The following HEATR5A variants were observed in gnomAD, a reference collection of about 807,000 sequenced individuals.
The protein encoded by HEATR5A is HEAT repeat containing 5A, also known as HEAT repeat-containing protein 5A.
Under a neutral mutation model 218.8 loss-of-function variants are expected in HEATR5A, and 178 were observed. The observed-to-expected ratio is 0.81, with a 90% CI of 0.72 to 0.92. The LOEUF (loss-of-function observed/expected upper bound fraction) is 0.92. Ranked by LOEUF, HEATR5A falls within the 40% of genes least tolerant of loss-of-function variation. The probability of loss-of-function intolerance (pLI) is 0.00; values close to 1 mark genes in which losing one functional copy is unlikely to be tolerated. For missense variants in HEATR5A, 2,420 were observed against 2,418.9 expected, an observed-to-expected ratio of 1.00 and a Z score of -0.01; for synonymous variants, 864 against 871.6, an observed-to-expected ratio of 0.99 and a Z score of 0.15.
intron 22 of HEATR5A, among the ~76,000 whole-genome samples, chr14:31,331,135 T>C (rs906474743): frequency 6.6e-6 from 1 of 151,948 alleles, no homozygotes; most frequent in African/African-American, 2.4e-5. Context: ...GAGATGGGTT[T>C]TCATCATTTG....
chr14:31,388,970 C>G lies in HEATR5A; in HGVS notation c.808G>C (p.Glu270Gln). Reference protein sequence around the residue: ...SRQSIRRVSLEEVLELLGTGF... With the variant: ...SRQSIRRVSLQEVLELLGTGF... ...GTTCCTAGTAATTCCAGAACTTCCT[C>G]CAAAGATACTCTGCGAATGCTTTGA... Residue 270 changes from glutamate to glutamine, a missense_variant, in exon 7 of 36, where the codon GAG (glutamate) becomes CAG (glutamine). Physicochemically the swap from Glu to Gln is conservative, Grantham distance 29. Transcript: ENST00000543095. The G allele has an allele frequency of 1.2e-6, 2 of 1,613,550 alleles. No homozygotes were observed. Among genetic ancestry groups the G allele is most frequent in the Non-Finnish European group, 1.7e-6 (2 of 1,179,644 alleles).
chr14:31,416,142 G>C (rs2031437828), intron 1 of HEATR5A, among the ~76,000 whole-genome samples: 1 of 152,070 alleles, frequency 6.6e-6, no homozygotes, highest in Admixed American at 6.5e-5. Flanking sequence ...TTTTGAGATG[G>C]AGTCTCGCTC....
intron 25 of HEATR5A, among the ~76,000 whole-genome samples, chr14:31,318,615 C>T (rs902511090): frequency 2.7e-4 from 41 of 152,218 alleles, no homozygotes; most frequent in African/African-American, 9.1e-4. Context: ...CTCAGCCTCC[C>T]AAGTAGCTGG....
chr14:31,350,684 T>C lies in HEATR5A; in HGVS notation c.2445A>G (p.Ile815Met). ...GCTGACGAGCTCCTTTTGTGTGCTT[T>C]ATACTGTCCAAAAGCTGTTCCAATA... ...LLILEQLLDS[I>M]KHTKGARQQV... The change falls in exon 17 of 36, where the codon ATA (isoleucine) becomes ATG (methionine). Residue 815 changes from isoleucine to methionine, a missense_variant. Transcript: ENST00000543095. 6.3e-7 allele frequency: 1 copy of C among 1,598,664 alleles called. No homozygotes were observed. Among genetic ancestry groups the C allele is most frequent in the Non-Finnish European group, 8.5e-7 (1 of 1,169,976 alleles).
At chr14:31,360,812 G>A (rs559357049) in intron 14 of HEATR5A, among the ~76,000 whole-genome samples, 2 of 151,964 alleles carry the variant, frequency 1.3e-5, no homozygotes, top group Non-Finnish European at 2.9e-5. Flanking sequence ...AGTAACAGTA[G>A]TAACAACAAA....
Position 31,344,036 on chromosome 14 carries a change from T to C in HEATR5A, c.3088A>G (p.Thr1030Ala). 1 of 1,553,456 alleles carries C rather than the reference T, an allele frequency of 6.4e-7. No homozygotes were observed. Among genetic ancestry groups the C allele is most frequent in the Non-Finnish European group, 8.7e-7 (1 of 1,151,066 alleles). ...GNSTSISTLR[T>A]SCLLGCAVMQ... ...ACTGCACAACCCAGTAGACAGGAAG[T>C]CCTTAAGGTAGAAATTGAAGTACTG... The change falls in exon 21 of 36, where the codon ACT becomes GCT. Residue 1030 changes from threonine to alanine, a missense_variant. Physicochemically the swap from Thr to Ala is moderately conservative, Grantham distance 58. Coordinates refer to ENST00000543095, the MANE Select transcript of HEATR5A (RefSeq NM_015473.4).
intron 1 of HEATR5A, among the ~76,000 whole-genome samples, chr14:31,412,627 C>CA (rs2031315092): frequency 6.6e-6 from 1 of 152,004 alleles, no homozygotes; most frequent in South Asian, 2.1e-4. Context: ...CAGTGGCTCA[C>CA]GCCTGTTAAT....
chr14:31,367,636 C>T (rs949405980), intron 13 of HEATR5A, among the ~76,000 whole-genome samples: 9 of 114,446 alleles, frequency 7.9e-5, no homozygotes, highest in African/African-American at 3.1e-4. Flanking sequence ...CCAGGCTGGT[C>T]TTGAACTTCT....
chr14:31,319,194 C>G (rs2139161123), intron 25 of HEATR5A, among the ~76,000 whole-genome samples: 1 of 152,082 alleles, frequency 6.6e-6, no homozygotes, highest in Middle Eastern at 3.4e-3. Context: ...CTCTTGTCCC[C>G]CAGGCTGGAG....
At chr14:31,372,197 A>T (rs1342877124) in intron 12 of HEATR5A, among the ~76,000 whole-genome samples, 4 of 121,972 alleles carry the variant, frequency 3.3e-5, no homozygotes, top group Non-Finnish European at 6.5e-5. Flanking sequence ...GCTTAGAAGC[A>T]AAAAAAAAAA....
rs1313457035 is a variant in HEATR5A at position 31,380,588 on chromosome 14, T to C, written c.1597-10A>G. 4 of 1,532,636 alleles carry C rather than the reference T, an allele frequency of 2.6e-6. No individual in the cohort carries two copies. The highest frequency in any genetic ancestry group is 1.4e-5 in the African/African-American group (1 of 72,916). 94.9% of individuals were successfully genotyped at this position (1,532,636 alleles called of 1,614,324 possible). ...CTAATGTCATAATAATCTATTTACA[T>C]ATAGAACAAGTTTTAAAAAAAGCAT... is the stretch of plus-strand genomic sequence containing the variant. On this transcript the variant is annotated splice_polypyrimidine_tract_variant and intron_variant, in intron 10 of 35. Coordinates refer to ENST00000543095, the MANE Select transcript of HEATR5A (RefSeq NM_015473.4).
intron 18 of HEATR5A, among the ~76,000 whole-genome samples, chr14:31,349,506 T>C (rs577527265): frequency 1.4e-4 from 21 of 152,352 alleles, no homozygotes; most frequent in Admixed American, 1.2e-3. Flanking sequence ...ACTGTATAAA[T>C]ATTTCACTAT....
chr14:31,397,531 C>T (rs748259351), intron 4 of HEATR5A, among the ~76,000 whole-genome samples: 2 of 151,730 alleles, frequency 1.3e-5, no homozygotes, highest in African/African-American at 2.4e-5. Context: ...TGGTGGCACG[C>T]GCCTGTAATC....
At chr14:31,417,288 G>A (rs1197773696) in intron 1 of HEATR5A, among the ~76,000 whole-genome samples, 3 of 152,108 alleles carry the variant, frequency 2.0e-5, no homozygotes, top group Non-Finnish European at 4.4e-5. Context: ...TGGCCGGGGC[G>A]GTGGCTCAAG....
chr14:31,407,578 TTTTATTTATATA>T (rs2031114948), intron 1 of HEATR5A, among the ~76,000 whole-genome samples: 1 of 13,380 alleles, frequency 7.5e-5, no homozygotes, highest in African/African-American at 2.5e-4. Flanking sequence ...TCATCACTTA[TTTTATTTATATA>T]TATATATATA....
intron 1 of HEATR5A, among the ~76,000 whole-genome samples, chr14:31,414,790 A>G (rs1025029826): frequency 1.4e-4 from 21 of 152,122 alleles, no homozygotes; most frequent in African/African-American, 4.8e-4. Flanking sequence ...AATCCACACT[A>G]TGGTCTAATG....
chr14:31,301,161 T>C (rs1204037952), intron 33 of HEATR5A, among the ~76,000 whole-genome samples: 2 of 152,130 alleles, frequency 1.3e-5, no homozygotes, highest in Non-Finnish European at 2.9e-5. Context: ...GCAGGGAAAA[T>C]GCATACTGTG....
At chr14:31,409,232 G>T (rs996427782) in intron 1 of HEATR5A, among the ~76,000 whole-genome samples, 3 of 149,004 alleles carry the variant, frequency 2.0e-5, no homozygotes, top group Non-Finnish European at 4.5e-5. Flanking sequence ...ATTTTTAGTA[G>T]AGACAGGGTT....
intron 17 of HEATR5A, among the ~76,000 whole-genome samples, chr14:31,350,227 T>A (rs1215456695): frequency 6.6e-6 from 1 of 152,170 alleles, no homozygotes; most frequent in African/African-American, 2.4e-5. Flanking sequence ...TATAAATGGT[T>A]TGAAAGAACA....
Sources: gnomAD v4.1 joint callset for allele counts (sites outside exome capture counted in the v4.1 genomes callset) on GRCh38, gnomAD v4.1.1 for gene constraint, MANE v1.5 for transcripts, NCBI Gene and HGNC (gene_info 2026-07-23, HGNC 2026-07-21) for gene names.